The following ITSN1 variants were observed in gnomAD, a reference collection of about 807,000 sequenced individuals.
ITSN1 encodes the protein intersectin-1.
Under a neutral mutation model 239.8 loss-of-function variants are expected in ITSN1, and 58 were observed. The ratio of observed to expected loss-of-function variants is 0.24; its 90% CI spans 0.20 to 0.30. ITSN1 has a LOEUF of 0.30. Among genes scored for constraint, ITSN1 ranks in the 10% least tolerant of loss-of-function variants. ITSN1 has a pLI of 1.00. For missense variants in ITSN1, 1,558 were observed against 2,103.3 expected (o/e 0.74, Z 5.07); for synonymous variants, 780 against 770.8 (o/e 1.01, Z -0.20).
intron 1 of ITSN1, among the ~76,000 whole-genome samples, chr21:33,709,373 T>C (rs2092346321): frequency 6.6e-6 from 1 of 152,196 alleles, no homozygotes; most frequent in African/African-American, 2.4e-5. Flanking sequence ...GGAGTTTCAC[T>C]CTTGTTGCCC....
At chr21:33,852,531 A>C (rs1010682994) in intron 29 of ITSN1, among the ~76,000 whole-genome samples, 4 of 152,148 alleles carry the variant, frequency 2.6e-5, no homozygotes, top group South Asian at 4.1e-4. Flanking sequence ...TTTATTGGTA[A>C]GGTTTTTTTT....
intron 11 of ITSN1, among the ~76,000 whole-genome samples, chr21:33,771,696 G>A (rs2069173535): frequency 6.6e-6 from 1 of 152,112 alleles, no homozygotes; most frequent in Non-Finnish European, 1.5e-5. Flanking sequence ...ACGGTTACAA[G>A]GCAAAGGGAA....
chr21:33,672,931 C>A (rs958270030), intron 1 of ITSN1, among the ~76,000 whole-genome samples: 1 of 152,112 alleles, frequency 6.6e-6, no homozygotes, highest in Admixed American at 6.5e-5. Context: ...AGGATGGTCT[C>A]GATCTCTTGA....
At chr21:33,692,693 C>CATT (rs2091602037) in intron 1 of ITSN1, among the ~76,000 whole-genome samples, 1 of 151,752 alleles carries the variant, frequency 6.6e-6, no homozygotes, top group African/African-American at 2.4e-5. Context: ...TAAATATAGT[C>CATT]ATAGAAGGAA....
At chr21:33,874,426 C>A (rs912380121) in intron 33 of ITSN1, among the ~76,000 whole-genome samples, 1 of 152,158 alleles carries the variant, frequency 6.6e-6, no homozygotes, top group Non-Finnish European at 1.5e-5. Context: ...GCATAGACTG[C>A]GCTGTCCCTG....
intron 9 of ITSN1, among the ~76,000 whole-genome samples, chr21:33,763,373 G>T (rs974387035): frequency 1.3e-5 from 2 of 151,696 alleles, no homozygotes; most frequent in African/African-American, 4.8e-5. Flanking sequence ...TTGATAATTA[G>T]ATCTAGAGCA....
At chr21:33,825,930 A>C (rs2073949325) in intron 25 of ITSN1, among the ~76,000 whole-genome samples, 1 of 152,144 alleles carries the variant, frequency 6.6e-6, no homozygotes, top group South Asian at 2.1e-4. Context: ...TCTTTCAGTA[A>C]CTCATGTTTT....
At chr21:33,864,314 G>T (rs1221491142) in intron 31 of ITSN1, among the ~76,000 whole-genome samples, 1 of 152,142 alleles carries the variant, frequency 6.6e-6, no homozygotes, top group Non-Finnish European at 1.5e-5. Flanking sequence ...GCTTCATGTT[G>T]TGGTCCTGCC....
chr21:33,850,368 T>C (rs1038637920), intron 29 of ITSN1, among the ~76,000 whole-genome samples: 10 of 152,236 alleles, frequency 6.6e-5, no homozygotes, highest in Admixed American at 2.0e-4. Context: ...CGAGGGTCTC[T>C]GGTGCCTTTG....
chr21:33,722,671 G>A lies in ITSN1; in HGVS notation c.185+20G>A. On this transcript the variant is annotated intron_variant, in intron 4 of 39. Transcript: ENST00000381318. ...GATATGGTAAGTTGGAATTTTACAT[G>A]AAATTTTACATAAGCATAAGGCAAA... is the stretch of plus-strand genomic sequence containing the variant. 6.5e-7 allele frequency: 1 copy of A among 1,541,006 alleles called. No individual in the cohort carries two copies. Among genetic ancestry groups the A allele is most frequent in the South Asian group, 1.3e-5 (1 of 79,006 alleles).
chr21:33,834,643 T>C (rs530414405), intron 28 of ITSN1, among the ~76,000 whole-genome samples: 34 of 152,330 alleles, frequency 2.2e-4, no homozygotes, highest in Admixed American at 1.8e-3. Flanking sequence ...AACAGAACCC[T>C]TGTTGGAATG....
chr21:33,781,693 C>A, intron 15 of ITSN1, 145 bp downstream of exon 15: 1 of 587,252 alleles, frequency 1.7e-6, no homozygotes, highest in Non-Finnish European at 2.9e-6. Context: ...ATTCTCTTGC[C>A]TCAGCCTCCC....
rs397948229 is a variant in ITSN1 at position 33,778,571 on chromosome 21, CTTTTTTTTTTTTTTT to C, written c.1597-2879_1597-2865del. Among the ~76,000 whole-genome samples the C allele has an allele frequency of 3.2e-3, 207 of 63,974 alleles. 3 individuals are homozygous for C. The highest frequency in any genetic ancestry group is 3.7e-3 in the Non-Finnish European group (147 of 39,320). The allele number at this position is 63,974 out of a possible 152,430, so 42.0% of individuals were successfully genotyped here. On this transcript the variant is annotated intron_variant, in intron 14 of 39. Coordinates refer to ENST00000381318, the MANE Select transcript of ITSN1 (RefSeq NM_003024.3). ...TGTATAAAGTTGTTTATAATATTCT[CTTTTTTTTTTTTTTT>C]TTTTTTTTTTGAGACGGAGTCTCGC...
At chr21:33,714,469 C>G (rs1182729327) in intron 1 of ITSN1, among the ~76,000 whole-genome samples, 1 of 152,104 alleles carries the variant, frequency 6.6e-6, no homozygotes, top group East Asian at 1.9e-4. Context: ...TTCCTAAGTT[C>G]TAGAGTAGCA....
chr21:33,650,625 A>G (rs553276625), intron 1 of ITSN1, among the ~76,000 whole-genome samples: 13 of 152,378 alleles, frequency 8.5e-5, no homozygotes, highest in Admixed American at 7.8e-4. Flanking sequence ...AAACCAAGTT[A>G]TCTTTCAATT....
chr21:33,682,165 C>T (rs2090998699), intron 1 of ITSN1, among the ~76,000 whole-genome samples: 1 of 150,956 alleles, frequency 6.6e-6, no homozygotes, highest in Non-Finnish European at 1.5e-5. Context: ...CTACTCAGGA[C>T]AACTATTGGT....
chr21:33,675,524 G>A (rs34046388), intron 1 of ITSN1, among the ~76,000 whole-genome samples: 72,904 of 151,884 alleles, frequency 0.48, 18,927 homozygotes, highest in Non-Finnish European at 0.58. Context: ...CCGAGGTTGC[G>A]CCACTGCACT....
At chr21:33,767,894 A>G in intron 11 of ITSN1, 66 bp downstream of exon 11, 1 of 899,882 alleles carries the variant, frequency 1.1e-6, no homozygotes, top group Admixed American at 2.2e-5. Flanking sequence ...TCCTATCTCT[A>G]AGACAAAGAT....
Position 33,772,163 on chromosome 21 carries a change from G to C in ITSN1, c.1145G>C (p.Arg382Pro). 6.2e-7 allele frequency: 1 copy of C among 1,614,200 alleles called. No individual in the cohort carries two copies. Among genetic ancestry groups the C allele is most frequent in the Non-Finnish European group, 8.5e-7 (1 of 1,180,028 alleles). Residue 382 changes from arginine (R) to proline (P), a missense_variant, in exon 12 of 40, where the codon CGC becomes CCC. By Grantham distance (103) the Arg-to-Pro change is moderately radical. Around this residue, in one of 2 missense-constraint regions of ITSN1, gnomAD observed 982 missense variants for 1,209.9 expected, o/e 0.81. Coordinates refer to ENST00000381318, the MANE Select transcript of ITSN1 (RefSeq NM_003024.3). ...LLEQQRKEQE[R>P]LAQLERAEQE... ...GAACAGCAGCGCAAGGAGCAGGAGCGCCTGGCCCAGCTGGAGCGGGCGGAG... is the reference window on the plus strand; with the variant it reads ...GAACAGCAGCGCAAGGAGCAGGAGCCCCTGGCCCAGCTGGAGCGGGCGGAG...
Sources: gnomAD v4.1 joint callset for allele counts (sites outside exome capture counted in the v4.1 genomes callset) on GRCh38, gnomAD v4.1.1 for gene constraint, gnomAD v4.1.1 regional missense constraint, MANE v1.5 for transcripts, NCBI Gene and HGNC (gene_info 2026-07-23, HGNC 2026-07-21) for gene names.